Variants in IQGAP2 observed in about 807,000 individuals in gnomAD.
IQGAP2 encodes the protein ras GTPase-activating-like protein IQGAP2.
Under a neutral mutation model 201.3 loss-of-function variants are expected in IQGAP2, and 173 were observed. The ratio of observed to expected loss-of-function variants is 0.86; its 90% CI spans 0.76 to 0.98. The LOEUF (loss-of-function observed/expected upper bound fraction) is 0.98, where lower values mean the gene tolerates loss of function less well. Among genes scored for constraint, IQGAP2 ranks in the 50% least tolerant of loss-of-function variants. The pLI, the probability that IQGAP2 is intolerant of heterozygous loss-of-function variation, is 0.00. For missense variants in IQGAP2, 1,687 were observed against 1,864.8 expected, an observed-to-expected ratio of 0.90 and a Z score of 1.76; for synonymous variants, 675 against 673.9, an observed-to-expected ratio of 1.00 and a Z score of -0.03.
chr5:76,700,100 C>T (rs1747230352), intron 33 of IQGAP2, among the ~76,000 whole-genome samples: 1 of 152,166 alleles, frequency 6.6e-6, no homozygotes, highest in East Asian at 1.9e-4. Flanking sequence ...TATACATATA[C>T]ATGCAAGGAA....
chr5:76,610,257 C>A (rs1748264399), intron 12 of IQGAP2, among the ~76,000 whole-genome samples: 1 of 147,438 alleles, frequency 6.8e-6, no homozygotes, highest in African/African-American at 2.5e-5. Context: ...CTCAGCCTCC[C>A]AAGTAGCTGG....
At chr5:76,615,187 G>T (rs1213154692) in intron 13 of IQGAP2, among the ~76,000 whole-genome samples, 2 of 152,138 alleles carry the variant, frequency 1.3e-5, no homozygotes, top group Non-Finnish European at 2.9e-5. Flanking sequence ...CCACCAAAAA[G>T]TTCTGTTTTG....
chr5:76,456,738 T>C (rs1754108678), intron 1 of IQGAP2, among the ~76,000 whole-genome samples: 1 of 152,212 alleles, frequency 6.6e-6, no homozygotes, highest in African/African-American at 2.4e-5. Context: ...TCAAGTATAC[T>C]TAGGATTCCT....
intron 5 of IQGAP2, among the ~76,000 whole-genome samples, chr5:76,580,455 AAAAC>A (rs1213262743): frequency 1.3e-4 from 20 of 151,050 alleles, no homozygotes; most frequent in Admixed American, 1.3e-3. Flanking sequence ...AAAACAAAAC[AAAAC>A]AAACAAACAA....
intron 1 of IQGAP2, among the ~76,000 whole-genome samples, chr5:76,406,054 G>A (rs1206078281): frequency 2.0e-5 from 3 of 152,194 alleles, no homozygotes; most frequent in African/African-American, 7.2e-5. Flanking sequence ...CTGAGCTTCT[G>A]TTCTGCTCTC....
chr5:76,469,418 C>T (rs779466557), intron 2 of IQGAP2, among the ~76,000 whole-genome samples: 1 of 149,132 alleles, frequency 6.7e-6, no homozygotes, highest in Non-Finnish European at 1.5e-5. Flanking sequence ...TTTTTTGAGA[C>T]GTAGTGTCAC....
At chr5:76,630,388 T>C (rs151176960) in intron 14 of IQGAP2, among the ~76,000 whole-genome samples, 3 of 152,272 alleles carry the variant, frequency 2.0e-5, no homozygotes, top group Admixed American at 1.3e-4. Flanking sequence ...CCATAGACTT[T>C]GGGTAAAATA....
chr5:76,425,197 G>C (rs1380721829), intron 1 of IQGAP2, among the ~76,000 whole-genome samples: 3 of 152,188 alleles, frequency 2.0e-5, no homozygotes, highest in Non-Finnish European at 2.9e-5. Flanking sequence ...AGTTAAGTTG[G>C]GGGGCTGCCC....
chr5:76,511,756 C>T (rs1418042064), intron 2 of IQGAP2, among the ~76,000 whole-genome samples: 12 of 151,038 alleles, frequency 7.9e-5, no homozygotes, highest in East Asian at 2.0e-4. Context: ...TCTCGGCTCA[C>T]TGCAAGCTCT....
chr5:76,688,284 GTTCTTAACT>G (rs1391241551), intron 30 of IQGAP2, among the ~76,000 whole-genome samples: 2 of 152,148 alleles, frequency 1.3e-5, no homozygotes, highest in African/African-American at 4.8e-5. Context: ...AACAGATTGT[GTTCTTAACT>G]TTCAGAAATG....
intron 11 of IQGAP2, among the ~76,000 whole-genome samples, 200 bp downstream of exon 11, chr5:76,601,172 A>G (rs1747405199): frequency 6.6e-6 from 1 of 152,192 alleles, no homozygotes; most frequent in Admixed American, 6.5e-5. Flanking sequence ...TCAGAAAGTG[A>G]TCATCCTGTG....
intron 2 of IQGAP2, among the ~76,000 whole-genome samples, chr5:76,533,112 G>A (rs564178007): frequency 6.6e-6 from 1 of 152,248 alleles, no homozygotes; most frequent in South Asian, 2.1e-4. Flanking sequence ...CCCTCCCTGT[G>A]GGAGAGGAGC....
At chr5:76,547,400 T>A in intron 2 of IQGAP2, 1 of 968,224 alleles carries the variant, frequency 1.0e-6, no homozygotes, top group South Asian at 4.8e-5. Flanking sequence ...GAATACTTGC[T>A]TGGGGCTTAG....
intron 23 of IQGAP2, among the ~76,000 whole-genome samples, chr5:76,670,975 G>A (rs372590173): frequency 2.0e-5 from 3 of 152,174 alleles, no homozygotes; most frequent in Non-Finnish European, 2.9e-5. Flanking sequence ...AAACATACAC[G>A]TTATAAACTG....
chr5:76,634,178 G>T (rs995582378), intron 15 of IQGAP2, among the ~76,000 whole-genome samples: 8 of 151,898 alleles, frequency 5.3e-5, no homozygotes, highest in Non-Finnish European at 1.0e-4. Flanking sequence ...TTTATATATG[G>T]TCTATGGCTG....
intron 4 of IQGAP2, among the ~76,000 whole-genome samples, chr5:76,574,115 G>A (rs555648260): frequency 2.6e-5 from 4 of 152,044 alleles, no homozygotes; most frequent in South Asian, 2.1e-4. Context: ...TGAGTATCAC[G>A]TACTACCATA....
chr5:76,408,407 CAAAG>C (rs1481934002), intron 1 of IQGAP2, among the ~76,000 whole-genome samples: 1 of 152,158 alleles, frequency 6.6e-6, no homozygotes, highest in Non-Finnish European at 1.5e-5. Flanking sequence ...TTCCATTTCA[CAAAG>C]AAGCTGAAAC....
intron 20 of IQGAP2, among the ~76,000 whole-genome samples, chr5:76,656,473 G>A (rs1035362774): frequency 8.4e-5 from 11 of 130,312 alleles, no homozygotes; most frequent in South Asian, 6.1e-4. Context: ...GAGCCACTGC[G>A]CCCAGCCGTT....
At chr5:76,454,371 A>G (rs1255673539) in intron 1 of IQGAP2, among the ~76,000 whole-genome samples, 1 of 151,566 alleles carries the variant, frequency 6.6e-6, no homozygotes, top group East Asian at 1.9e-4. Flanking sequence ...TACATGTGCC[A>G]CGTTGGTGTG....
Sources: gnomAD v4.1 joint callset for allele counts (sites outside exome capture counted in the v4.1 genomes callset) on GRCh38, gnomAD v4.1.1 for gene constraint, MANE v1.5 for transcripts, NCBI Gene and HGNC (gene_info 2026-07-23, HGNC 2026-07-21) for gene names.